The following DIP2C variants were observed in gnomAD, a reference collection of about 807,000 sequenced individuals.
DIP2C encodes DIP2 acetate--CoA ligase C (putative).
In DIP2C, 33 loss-of-function variants were observed where a neutral mutation model predicts 192.4. The observed-to-expected ratio is 0.17, with a 90% CI of 0.13 to 0.23. The LOEUF (loss-of-function observed/expected upper bound fraction) is 0.23. Among genes scored for constraint, DIP2C ranks in the 10% least tolerant of loss-of-function variants. DIP2C has a pLI of 1.00. For missense variants in DIP2C, 1,537 were observed against 2,110.1 expected (o/e 0.73, Z 5.32); for synonymous variants, 979 against 864.1 (o/e 1.13, Z -2.33).
chr10:500,180 T>C (rs1439541911), intron 1 of DIP2C, among the ~76,000 whole-genome samples: 1 of 152,222 alleles, frequency 6.6e-6, no homozygotes, highest in African/African-American at 2.4e-5. Flanking sequence ...TGTGCCAGCT[T>C]CCCTGACAAC....
Position 679,119 on chromosome 10 carries a change from A to G in DIP2C, c.85+10375T>C, listed in dbSNP as rs368910133. Among the ~76,000 whole-genome samples, 14 of 11,528 alleles carry G rather than the reference A, an allele frequency of 1.2e-3. 1 individual carries two copies. Among genetic ancestry groups the G allele is most frequent in the African/African-American group, 2.1e-3 (12 of 5,666 alleles). 7.6% of individuals were successfully genotyped at this position (11,528 alleles called of 152,430 possible). A position where few individuals can be genotyped will look rare whatever the true frequency, so the allele number is the denominator to read the frequency against. On this transcript the variant is annotated intron_variant, in intron 1 of 36. Coordinates refer to ENST00000280886, the MANE Select transcript of DIP2C (RefSeq NM_014974.3). The stretch of plus-strand genomic sequence containing the variant: ...GCACCCATCTCTGCTCCCCACGCCC[A>G]TGCTCCCCGCACCCATCCTCCCTGC...
chr10:647,759 A>G (rs1318759670), intron 1 of DIP2C, among the ~76,000 whole-genome samples: 1 of 150,076 alleles, frequency 6.7e-6, no homozygotes, highest in Non-Finnish European at 1.5e-5. Flanking sequence ...TCCACATTGG[A>G]TGGTGGGAGA....
intron 1 of DIP2C, among the ~76,000 whole-genome samples, chr10:635,013 C>A (rs900740823): frequency 2.0e-5 from 3 of 152,188 alleles, no homozygotes; most frequent in African/African-American, 7.2e-5. Context: ...CCAACTCTCG[C>A]TCAGGAACTC....
Position 555,175 on chromosome 10 carries a change from G to A in DIP2C, c.86-68645C>T, listed in dbSNP as rs188092960. Among the ~76,000 whole-genome samples the A allele has an allele frequency of 3.1e-4, 45 of 145,036 alleles. 2 individuals carry two copies. The East Asian group carries it at 6.5e-3, about 21-fold the overall frequency. ...ATATGAGACCCAAAATTTAGTTTAT[G>A]TTTTCTTCAGTATTATTTTTTTTTT... On this transcript the variant is annotated intron_variant, in intron 1 of 36. Transcript: ENST00000280886.
chr10:578,588 G>A (rs1368326239), intron 1 of DIP2C, among the ~76,000 whole-genome samples: 1 of 152,154 alleles, frequency 6.6e-6, no homozygotes, highest in Non-Finnish European at 1.5e-5. Context: ...AATTTCACTA[G>A]CTTGTAATGA....
At chr10:579,774 ACATC>A in intron 1 of DIP2C, among the ~76,000 whole-genome samples, 1 of 152,214 alleles carries the variant, frequency 6.6e-6, no homozygotes, top group Non-Finnish European at 1.5e-5. Flanking sequence ...CAGAGCATAC[ACATC>A]CATATCCATA....
chr10:293,153 C>A (rs1955576033), intron 32 of DIP2C, among the ~76,000 whole-genome samples: 1 of 152,230 alleles, frequency 6.6e-6, no homozygotes, highest in African/African-American at 2.4e-5. Flanking sequence ...GGGAGCCCAC[C>A]CTGCCTGCCC....
intron 1 of DIP2C, among the ~76,000 whole-genome samples, chr10:588,382 C>A (rs1488726264): frequency 3.3e-5 from 5 of 152,234 alleles, no homozygotes; most frequent in African/African-American, 4.8e-5. Context: ...CAAATCTTGT[C>A]ATCAACTGTC....
chr10:585,022 C>T (rs1290598495), intron 1 of DIP2C, among the ~76,000 whole-genome samples: 2 of 151,444 alleles, frequency 1.3e-5, no homozygotes, highest in African/African-American at 2.4e-5. Context: ...AACCTGGCCC[C>T]CACTCACGCA....
At chr10:482,900 A>C (rs1220223715) in intron 2 of DIP2C, among the ~76,000 whole-genome samples, 2 of 152,218 alleles carry the variant, frequency 1.3e-5, no homozygotes, top group African/African-American at 4.8e-5. Flanking sequence ...CGAAGTGGGC[A>C]GCTTCCCTAA....
At chr10:406,641 G>A (rs1964824862) in intron 9 of DIP2C, among the ~76,000 whole-genome samples, 1 of 152,120 alleles carries the variant, frequency 6.6e-6, no homozygotes, top group South Asian at 2.1e-4. Flanking sequence ...AAACAAAACT[G>A]GTAATAGCCC....
chr10:473,241 A>C (rs1970781595), intron 2 of DIP2C, among the ~76,000 whole-genome samples: 1 of 152,266 alleles, frequency 6.6e-6, no homozygotes, highest in East Asian at 1.9e-4. Context: ...TTCAGGCAAT[A>C]ACAGGGTGGC....
chr10:485,251 G>A (rs916902392), intron 2 of DIP2C, among the ~76,000 whole-genome samples: 1 of 152,228 alleles, frequency 6.6e-6, no homozygotes, highest in Admixed American at 6.5e-5. Flanking sequence ...CAGCACATGA[G>A]GGCACCTGCA....
intron 3 of DIP2C, among the ~76,000 whole-genome samples, chr10:463,031 C>G (rs921378367): frequency 2.6e-5 from 4 of 152,132 alleles, no homozygotes; most frequent in Admixed American, 6.5e-5. Flanking sequence ...ATAATAAGAG[C>G]TATTTATGAC....
intron 3 of DIP2C, among the ~76,000 whole-genome samples, chr10:458,644 G>A (rs1037088506): frequency 1.3e-5 from 2 of 151,342 alleles, no homozygotes; most frequent in East Asian, 1.9e-4. Context: ...TCGGAACCCC[G>A]TGACAGCAAG....
rs545347156 is a variant in DIP2C, at chr10:552,964, G to T, written c.86-66434C>A. ...CAGAAGGCCGAGCCTTTGCTCAGCA[G>T]ATGAGGGAGGGGATCAGCCACCCTA... On this transcript the variant is annotated intron_variant, in intron 1 of 36. Transcript: ENST00000280886. 1.2e-4 allele frequency among the ~76,000 whole-genome samples: 18 copies of T among 152,392 alleles called. No homozygotes were observed. In the South Asian group the frequency reaches 2.9e-3, roughly 25 times the overall value.
At position 281,504 on chromosome 10, in the gene DIP2C, C is replaced by T. The variant is rs76220721; in HGVS notation, c.4295-181G>A. On this transcript the variant is annotated intron_variant, in intron 35 of 36. Coordinates refer to ENST00000280886, the MANE Select transcript of DIP2C (RefSeq NM_014974.3). ...GGAGCTCCTTGGCAAGTGCTCGGCT[C>T]GTGTGCCAGTACCCCACAGGCTGGC... 1.3e-4 allele frequency among the ~76,000 whole-genome samples: 20 copies of T among 152,362 alleles called. No homozygotes were observed. The East Asian group carries it at 3.9e-3, about 29-fold the overall frequency.
At chr10:418,349 C>A (rs1266428421) in intron 6 of DIP2C, among the ~76,000 whole-genome samples, 1 of 152,290 alleles carries the variant, frequency 6.6e-6, no homozygotes, top group Non-Finnish European at 1.5e-5. Context: ...TCTGATAGGC[C>A]TCCCTGTCCG....
At chr10:342,181 T>C (rs1958183599) in intron 28 of DIP2C, among the ~76,000 whole-genome samples, 1 of 151,636 alleles carries the variant, frequency 6.6e-6, no homozygotes, top group African/African-American at 2.4e-5. Context: ...TTTTTTGAGA[T>C]GGAGTCTTGC....
Sources: gnomAD v4.1 joint callset for allele counts (sites outside exome capture counted in the v4.1 genomes callset) on GRCh38, gnomAD v4.1.1 for gene constraint, MANE v1.5 for transcripts, NCBI Gene and HGNC (gene_info 2026-07-23, HGNC 2026-07-21) for gene names.